Variants in NFIC observed in about 807,000 individuals in gnomAD.
The protein encoded by NFIC is nuclear factor 1 C-type.
A neutral mutation model predicts 54.4 loss-of-function variants in NFIC; 12 were observed. The ratio of observed to expected loss-of-function variants is 0.22; its 90% CI spans 0.14 to 0.36. The LOEUF is 0.36. Among genes scored for constraint, NFIC ranks in the 10% least tolerant of loss-of-function variants. The pLI, the probability that NFIC is intolerant of heterozygous loss-of-function variation, is 1.00. For missense variants in NFIC, 575 were observed against 718.2 expected (o/e 0.80, Z 2.28); for synonymous variants, 322 against 319.2 (o/e 1.01, Z -0.09).
chr19:3,433,697 C>T, intron 4 of NFIC, 105 bp downstream of exon 4: 2 of 754,776 alleles, frequency 2.6e-6, no homozygotes, highest in Non-Finnish European at 3.5e-6. Flanking sequence ...TTCCAGACAA[C>T]CCCCTGTGTC....
Position 3,407,936 on chromosome 19 carries a change from C to G in NFIC, c.563-17170C>G, listed in dbSNP as rs141631320. ...TCAGAGGACTCAGGCCCAGGTCACT[C>G]GTATATTCCATTGCCTTCCAGGACA... On this transcript the variant is annotated intron_variant, in intron 2 of 10. Coordinates refer to ENST00000443272, the MANE Select transcript of NFIC (RefSeq NM_001245002.2). 4.6e-3 allele frequency among the ~76,000 whole-genome samples: 695 copies of G among 152,232 alleles called. 6 individuals are homozygous for G. The highest frequency in any genetic ancestry group is 0.016 in the African/African-American group (672 of 41,552).
In NFIC at chr19:3,464,087, T is replaced by G. The variant is rs2082682221; in HGVS notation, c.*1318T>G. The G allele has an allele frequency of 1.0e-6, 1 of 984,788 alleles. No homozygotes were observed. The highest frequency in any genetic ancestry group is 1.2e-6 in the Non-Finnish European group (1 of 829,854). The allele number at this position is 984,788 out of a possible 1,614,324, so 61.0% of individuals were successfully genotyped here. Reference sequence around the variant, plus strand: ...GGGAAGCCGGTGCGCCCCCCACGCCTCCGCTGCCAGTGCCTTACATTCTGG... The same window carrying G: ...GGGAAGCCGGTGCGCCCCCCACGCCGCCGCTGCCAGTGCCTTACATTCTGG... On this transcript the variant is annotated 3_prime_UTR_variant, in exon 11 of 11. Coordinates refer to ENST00000443272, the MANE Select transcript of NFIC (RefSeq NM_001245002.2).
At chr19:3,377,422 G>A (rs1400063276) in intron 1 of NFIC, among the ~76,000 whole-genome samples, 1 of 149,262 alleles carries the variant, frequency 6.7e-6, no homozygotes, top group African/African-American at 2.5e-5. Context: ...GTAGTCCTTT[G>A]AGAGCTGGGG....
chr19:3,438,646 C>T (rs1165595669), intron 6 of NFIC, among the ~76,000 whole-genome samples: 1 of 151,902 alleles, frequency 6.6e-6, no homozygotes, highest in Non-Finnish European at 1.5e-5. Flanking sequence ...ACCGTGTTAG[C>T]CAGGATGGTC....
At chr19:3,413,146 A>T (rs1169507925) in intron 2 of NFIC, among the ~76,000 whole-genome samples, 8 of 151,862 alleles carry the variant, frequency 5.3e-5, no homozygotes, top group African/African-American at 1.9e-4. Flanking sequence ...ATGGGGTTTC[A>T]CCGTGTTAGC....
chr19:3,408,939 C>A (rs1455935227), intron 2 of NFIC, among the ~76,000 whole-genome samples: 1 of 152,086 alleles, frequency 6.6e-6, no homozygotes, highest in Non-Finnish European at 1.5e-5. Context: ...GCTATGTGGT[C>A]CAGGCTGGTC....
chr19:3,377,499 C>T (rs1312083965), intron 1 of NFIC, among the ~76,000 whole-genome samples: 3 of 152,082 alleles, frequency 2.0e-5, no homozygotes, highest in African/African-American at 7.2e-5. Flanking sequence ...CCAGCCTGGT[C>T]AAGGCAGGGA....
chr19:3,423,268 C>T (rs2081980162), intron 2 of NFIC, among the ~76,000 whole-genome samples: 1 of 152,062 alleles, frequency 6.6e-6, no homozygotes, highest in East Asian at 1.9e-4. Context: ...TTGAGGTCTC[C>T]AAATGCCCTC....
chr19:3,449,153 G>T lies in NFIC; in HGVS notation c.1084+14G>T. On this transcript the variant is annotated intron_variant, in intron 7 of 10. Coordinates refer to ENST00000443272, the MANE Select transcript of NFIC (RefSeq NM_001245002.2). ...CCGTGCACAGCGGTAAGCGCCACGG[G>T]CCCCTGGCGGGGAGGGGCGGCGGGC... The T allele has an allele frequency of 6.2e-7, 1 of 1,606,812 alleles. No individual in the cohort carries two copies. Among genetic ancestry groups the T allele is most frequent in the Non-Finnish European group, 8.5e-7 (1 of 1,176,816 alleles).
Position 3,370,639 on chromosome 19 carries a change from C to T in NFIC, c.30+3973C>T, listed in dbSNP as rs59635530. ...TTCTCTCCCTCTCTCCTTCTCTCTT[C>T]TCTCTCTCTTTCTCCCTCCCTACCT... On this transcript the variant is annotated intron_variant, in intron 1 of 10. Transcript: ENST00000443272. The surrounding 1 kb of genome is among the most constrained non-coding windows in gnomAD (Gnocchi z 5.2). Among the ~76,000 whole-genome samples, 18,422 of 149,946 alleles carry T rather than the reference C, an allele frequency of 0.12. 2,245 individuals are homozygous for T. Among genetic ancestry groups the T allele is most frequent in the East Asian group, 0.46 (2,269 of 4,984 alleles).
At chr19:3,419,490 C>T (rs909476313) in intron 2 of NFIC, among the ~76,000 whole-genome samples, 1 of 151,724 alleles carries the variant, frequency 6.6e-6, no homozygotes, top group African/African-American at 2.4e-5. Context: ...AAAATTAGGC[C>T]GAGCACAGTG....
At position 3,375,355 on chromosome 19, in the gene NFIC, G is replaced by A. The variant is rs1025585139; in HGVS notation, c.31-6357G>A. ...CGCCTCTATGGGTCCTCTCTGCCGC[G>A]TCCCACTGTGCCCCCCACCACCCCC... On this transcript the variant is annotated intron_variant, in intron 1 of 10. Transcript: ENST00000443272. The surrounding 1 kb of genome is among the most constrained non-coding windows in gnomAD (Gnocchi z 4.6). 9.9e-5 allele frequency among the ~76,000 whole-genome samples: 15 copies of A among 152,102 alleles called. No individual in the cohort carries two copies. The highest frequency in any genetic ancestry group is 6.2e-4 in the South Asian group (3 of 4,832).
chr19:3,385,895 T>C (rs1405250898), intron 2 of NFIC, among the ~76,000 whole-genome samples: 1 of 151,680 alleles, frequency 6.6e-6, no homozygotes, highest in Non-Finnish European at 1.5e-5. Flanking sequence ...TTTGCAGAGA[T>C]GGGGTATCAC....
intron 2 of NFIC, among the ~76,000 whole-genome samples, chr19:3,419,187 A>T (rs111685259): frequency 1.5e-3 from 229 of 152,318 alleles, no homozygotes; most frequent in African/African-American, 5.3e-3. Context: ...AATGTATTTA[A>T]TGTCCCTAAA....
At chr19:3,454,367 G>T in intron 9 of NFIC, 7 of 732,240 alleles carry the variant, frequency 9.6e-6, no homozygotes, top group Non-Finnish European at 1.2e-5. Context: ...CAGAGTTCTG[G>T]CTTCTTGGGG....
intron 1 of NFIC, among the ~76,000 whole-genome samples, chr19:3,380,640 T>G (rs929447011): frequency 7.2e-6 from 1 of 138,682 alleles, no homozygotes; most frequent in African/African-American, 2.7e-5. Flanking sequence ...TTTTTTTTTT[T>G]TTTTTTTTTT....
intron 2 of NFIC, among the ~76,000 whole-genome samples, chr19:3,383,520 C>G (rs1300846568): frequency 6.6e-6 from 1 of 152,194 alleles, no homozygotes; most frequent in Non-Finnish European, 1.5e-5. Flanking sequence ...TCTTGCCTGC[C>G]AAATGGTGGA....
intron 2 of NFIC, among the ~76,000 whole-genome samples, chr19:3,386,347 G>A (rs959548410): frequency 7.4e-5 from 10 of 134,708 alleles, no homozygotes; most frequent in African/African-American, 3.0e-4. Context: ...TTTTGAGATA[G>A]GGTCTCACTC....
In NFIC at chr19:3,464,243, C is replaced by T. The variant is rs10426352; in HGVS notation, c.*1474C>T. The stretch of plus-strand genomic sequence containing the variant: ...GCCCCCAGAGGAGAGAGGAGGCCGA[C>T]GCCAGCGGTCCCCGCTCGGAACGGG... On this transcript the variant is annotated 3_prime_UTR_variant, in exon 11 of 11. Coordinates refer to ENST00000443272, the MANE Select transcript of NFIC (RefSeq NM_001245002.2). 5.4e-3 allele frequency: 5,306 copies of T among 985,390 alleles called. 180 individuals carry two copies. The African/African-American group carries it at 0.081, about 15-fold the overall frequency. 61.0% of individuals were successfully genotyped at this position (985,390 alleles called of 1,614,324 possible).
Sources: allele counts gnomAD v4.1 joint callset (sites outside exome capture counted in the v4.1 genomes callset), GRCh38; gene constraint gnomAD v4.1.1; non-coding constraint Gnocchi (gnomAD v3.1); transcripts MANE v1.5; gene names NCBI Gene and HGNC (gene_info 2026-07-23, HGNC 2026-07-21).